Variants in ST18 observed in about 807,000 individuals in gnomAD.
ST18 encodes the protein ST18 C2H2C-type zinc finger transcription factor.
Under a neutral mutation model 110.0 loss-of-function variants are expected in ST18, and 50 were observed. The ratio of observed to expected loss-of-function variants is 0.45; its 90% CI spans 0.36 to 0.58. ST18 has a LOEUF of 0.58. ST18 is among the 20% of genes least tolerant of loss of function. The pLI is 0.00. For missense variants in ST18, 1,306 were observed against 1,280.1 expected (o/e 1.02, Z -0.31); for synonymous variants, 461 against 452.4 (o/e 1.02, Z -0.24).
At chr8:52,321,646 C>A (rs914535660) in intron 2 of ST18, among the ~76,000 whole-genome samples, 2 of 152,174 alleles carry the variant, frequency 1.3e-5, no homozygotes, top group African/African-American at 2.4e-5. Context: ...TTCCTAGTAT[C>A]ACAGAGTGAT....
chr8:52,133,305 G>A lies in ST18; in HGVS notation c.2301-4C>T. The stretch of plus-strand genomic sequence containing the variant: ...ATCGCAGCCTGGGGTTGGACACCTG[G>A]AAGGCACAGGAAGAGAGCATGGGCT... On this transcript the variant is annotated splice_polypyrimidine_tract_variant and splice_region_variant and intron_variant, in intron 19 of 25. Coordinates refer to ENST00000689386, the MANE Select transcript of ST18 (RefSeq NM_001352837.2). 6.2e-7 allele frequency: 1 copy of A among 1,614,162 alleles called. No individual in the cohort carries two copies. Among genetic ancestry groups the A allele is most frequent in the East Asian group, 2.2e-5 (1 of 44,870 alleles).
intron 8 of ST18, 44 bp downstream of exon 8, chr8:52,212,035 A>C (rs1398717649): frequency 6.3e-7 from 1 of 1,577,012 alleles, no homozygotes; most frequent in Non-Finnish European, 8.6e-7. Context: ...CGAATAATCA[A>C]GGCCCATTAA....
chr8:52,276,155 C>CACACAT (rs2095246624), intron 2 of ST18, among the ~76,000 whole-genome samples: 1 of 8,186 alleles, frequency 1.2e-4, no homozygotes, highest in Non-Finnish European at 2.9e-4. Context: ...GCACACCACG[C>CACACAT]ACCACACATA....
chr8:52,369,758 G>T (rs1829567421), intron 2 of ST18, among the ~76,000 whole-genome samples: 1 of 152,132 alleles, frequency 6.6e-6, no homozygotes, highest in South Asian at 2.1e-4. Context: ...AACATGAATT[G>T]AACTAGATAT....
chr8:52,135,568 CAAAAAAAAAA>C (rs71252929), intron 19 of ST18, among the ~76,000 whole-genome samples: 2 of 56,166 alleles, frequency 3.6e-5, no homozygotes, highest in Admixed American at 2.3e-4. Flanking sequence ...AACTCCATCT[CAAAAAAAAAA>C]AAAAAAAAAA....
At chr8:52,326,480 A>G (rs748101934) in intron 2 of ST18, among the ~76,000 whole-genome samples, 7 of 152,226 alleles carry the variant, frequency 4.6e-5, no homozygotes, top group African/African-American at 9.6e-5. Flanking sequence ...TGAAAGATGC[A>G]TAGTAATGAA....
chr8:52,148,287 C>G (rs2057896090), intron 16 of ST18, among the ~76,000 whole-genome samples: 1 of 151,918 alleles, frequency 6.6e-6, no homozygotes, highest in Admixed American at 6.5e-5. Context: ...TTTTGAAAAG[C>G]CAAGCAGAAT....
chr8:52,159,514 GATTCC>G (rs568406650), intron 14 of ST18, among the ~76,000 whole-genome samples: 142 of 152,230 alleles, frequency 9.3e-4, no homozygotes, highest in Non-Finnish European at 1.5e-3. Flanking sequence ...GAGGACCGGT[GATTCC>G]AGTGGCGGAA....
At chr8:52,303,274 G>C (rs1262312490) in intron 2 of ST18, among the ~76,000 whole-genome samples, 1 of 152,194 alleles carries the variant, frequency 6.6e-6, no homozygotes, top group African/African-American at 2.4e-5. Context: ...GCAGTCCTTG[G>C]GGTCCCCTCC....
At chr8:52,190,095 C>T (rs2073981234) in intron 8 of ST18, among the ~76,000 whole-genome samples, 1 of 152,174 alleles carries the variant, frequency 6.6e-6, no homozygotes, top group Admixed American at 6.5e-5. Context: ...TGATGTCACA[C>T]ATGGAAAATT....
At chr8:52,143,239 G>T (rs2055940781) in intron 16 of ST18, among the ~76,000 whole-genome samples, 194 bp from the exon 17 acceptor site, 1 of 152,142 alleles carries the variant, frequency 6.6e-6, no homozygotes, top group Non-Finnish European at 1.5e-5. Context: ...GTAATCCTTG[G>T]CCTTTGGGAA....
At chr8:52,207,046 G>A (rs1386085771) in intron 8 of ST18, among the ~76,000 whole-genome samples, 1 of 151,942 alleles carries the variant, frequency 6.6e-6, no homozygotes, top group Non-Finnish European at 1.5e-5. Flanking sequence ...AAAGGAAACT[G>A]AATTCTAAAA....
chr8:52,283,780 G>A (rs1232670942), intron 2 of ST18, among the ~76,000 whole-genome samples: 1 of 152,182 alleles, frequency 6.6e-6, no homozygotes, highest in Non-Finnish European at 1.5e-5. Flanking sequence ...CCTGGGAGGT[G>A]GTTAGATGGG....
At chr8:52,169,167 C>T (rs545997486) in intron 10 of ST18, among the ~76,000 whole-genome samples, 2 of 152,258 alleles carry the variant, frequency 1.3e-5, no homozygotes, top group Admixed American at 6.5e-5. Flanking sequence ...AACAAAGATG[C>T]AGGGAAATGC....
At chr8:52,405,955 T>G (rs893819531) in intron 2 of ST18, 1 of 152,200 alleles carries the variant, frequency 6.6e-6, no homozygotes, top group Non-Finnish European at 1.5e-5. Flanking sequence ...GACGTGGAGT[T>G]GATAGGGAGA....
intron 8 of ST18, among the ~76,000 whole-genome samples, chr8:52,186,710 A>G (rs1021053648): frequency 6.6e-6 from 1 of 152,240 alleles, no homozygotes; most frequent in African/African-American, 2.4e-5. Context: ...GGCTCTGAAT[A>G]CGCTAGCCGT....
chr8:52,359,887 T>C (rs1824926552), intron 2 of ST18, among the ~76,000 whole-genome samples: 1 of 152,178 alleles, frequency 6.6e-6, no homozygotes, highest in African/African-American at 2.4e-5. Flanking sequence ...GTGAATAGTC[T>C]GAAGAATTTT....
At chr8:52,265,154 G>T (rs762529810) in intron 2 of ST18, among the ~76,000 whole-genome samples, 4 of 152,202 alleles carry the variant, frequency 2.6e-5, no homozygotes, top group Admixed American at 6.5e-5. Flanking sequence ...ACACCTGAGG[G>T]CAGACAGCCA....
At chr8:52,382,993 C>A (rs1007461107) in intron 2 of ST18, among the ~76,000 whole-genome samples, 3 of 152,156 alleles carry the variant, frequency 2.0e-5, no homozygotes, top group African/African-American at 7.2e-5. Flanking sequence ...GTAAACCTTT[C>A]TATCGTAAAA....
Sources: gnomAD v4.1 joint callset for allele counts (sites outside exome capture counted in the v4.1 genomes callset) on GRCh38, gnomAD v4.1.1 for gene constraint, MANE v1.5 for transcripts, NCBI Gene and HGNC (gene_info 2026-07-23, HGNC 2026-07-21) for gene names.